DNAJC5B: variants seen among roughly 807,000 people sequenced by gnomAD.
DNAJC5B encodes the protein dnaJ homolog subfamily C member 5B.
Under a neutral mutation model 24.7 loss-of-function variants are expected in DNAJC5B, and 23 were observed. The observed-to-expected ratio is 0.93, with a 90% CI of 0.67 to 1.32. DNAJC5B has a LOEUF of 1.32. Ranked by LOEUF, DNAJC5B falls within the 40% of genes most tolerant of loss-of-function variation. DNAJC5B has a pLI of 0.00. For synonymous variants in DNAJC5B, 101 were observed against 90.1 expected, an observed-to-expected ratio of 1.12 and a Z score of -0.68; for missense variants, 238 against 240.8, an observed-to-expected ratio of 0.99 and a Z score of 0.08.
chr8:66,031,898 A>T (rs1049165557), intron 1 of DNAJC5B, among the ~76,000 whole-genome samples: 1 of 152,146 alleles, frequency 6.6e-6, no homozygotes, highest in Non-Finnish European at 1.5e-5. Context: ...ATATCTGGGC[A>T]CTCTGCAGCC....
intron 3 of DNAJC5B, among the ~76,000 whole-genome samples, chr8:66,067,605 T>G (rs1259006585): frequency 6.6e-6 from 1 of 152,162 alleles, no homozygotes; most frequent in Non-Finnish European, 1.5e-5. Flanking sequence ...GTTTCTGCTT[T>G]TGTTTTAAGC....
chr8:66,029,059 T>A (rs896556296), intron 1 of DNAJC5B, among the ~76,000 whole-genome samples: 1 of 152,234 alleles, frequency 6.6e-6, no homozygotes, highest in Non-Finnish European at 1.5e-5. Context: ...GTCTTGCTCA[T>A]GCAATTTCTT....
chr8:66,076,670 C>T lies in DNAJC5B; in HGVS notation c.130C>T (p.Leu44=). The change falls in exon 4 of 6, where the codon CTG becomes TTG. Residue 44 remains leucine (L), a synonymous_variant. Coordinates refer to ENST00000276570, the MANE Select transcript of DNAJC5B (RefSeq NM_033105.6). The stretch of plus-strand genomic sequence containing the variant: ...CTTTTATTTTAAAAGAAAATTGGCC[C>T]TGAAACACCATCCAGACAAGAATCC... ...EIKKTYRKLA[L]KHHPDKNPDD... 1 of 1,614,034 alleles carries T rather than the reference C, an allele frequency of 6.2e-7. No homozygotes were observed. Among genetic ancestry groups the T allele is most frequent in the South Asian group, 1.1e-5 (1 of 91,076 alleles).
intron 5 of DNAJC5B, among the ~76,000 whole-genome samples, chr8:66,094,072 C>A (rs1422136659): frequency 6.6e-6 from 1 of 152,070 alleles, no homozygotes; most frequent in African/African-American, 2.4e-5. Context: ...CAATACCAAG[C>A]CCATTTATCA....
At chr8:66,061,608 AGAGT>A (rs1441727974) in intron 3 of DNAJC5B, among the ~76,000 whole-genome samples, 199 of 148,912 alleles carry the variant, frequency 1.3e-3, no homozygotes, top group African/African-American at 4.7e-3. Flanking sequence ...AGAGAGAGAG[AGAGT>A]GTGTGTGTGT....
intron 4 of DNAJC5B, among the ~76,000 whole-genome samples, 191 bp from the exon 5 acceptor site, chr8:66,080,186 C>T (rs1244003551): frequency 6.6e-6 from 1 of 152,024 alleles, no homozygotes; most frequent in Non-Finnish European, 1.5e-5. Flanking sequence ...AAAACTTTAC[C>T]AGGAAATTGG....
rs1807475994 is a variant in DNAJC5B, at chr8:66,076,794, C to G, written c.254C>G (p.Ser85Trp). ...AGAAGCATATACGACAAGTACGGAT[C>G]GCTGGGACTCTACGTGGCCGAGCAG... ...SKRSIYDKYG[S>W]LGLYVAEQFG... The change falls in exon 4 of 6, where the codon TCG becomes TGG. Residue 85 changes from serine (S) to tryptophan (W), a missense_variant. Physicochemically the swap from Ser to Trp is radical, Grantham distance 177. Transcript: ENST00000276570. 6.2e-7 allele frequency: 1 copy of G among 1,614,194 alleles called. No individual in the cohort carries two copies. Among genetic ancestry groups the G allele is most frequent in the Non-Finnish European group, 8.5e-7 (1 of 1,180,026 alleles).
intron 3 of DNAJC5B, among the ~76,000 whole-genome samples, chr8:66,065,602 T>C (rs1228307202): frequency 6.6e-6 from 1 of 152,140 alleles, no homozygotes; most frequent in East Asian, 1.9e-4. Flanking sequence ...GGGAGGGCAG[T>C]TGTACTAGGT....
chr8:66,040,350 A>G (rs144976055), intron 1 of DNAJC5B, among the ~76,000 whole-genome samples: 46 of 152,198 alleles, frequency 3.0e-4, no homozygotes, highest in African/African-American at 9.2e-4. Flanking sequence ...AGATCGTGCC[A>G]CTGCACTCCA....
intron 2 of DNAJC5B, among the ~76,000 whole-genome samples, chr8:66,049,493 T>C (rs943185061): frequency 6.6e-6 from 1 of 152,202 alleles, no homozygotes; most frequent in Admixed American, 6.5e-5. Context: ...CTCAGTACAG[T>C]AACACACTGT....
At chr8:66,035,644 AC>A (rs1181190073) in intron 1 of DNAJC5B, among the ~76,000 whole-genome samples, 2 of 152,172 alleles carry the variant, frequency 1.3e-5, no homozygotes, top group Non-Finnish European at 2.9e-5. Context: ...TCCAGAAACA[AC>A]CAACCCTGCA....
rs116861026 is a variant in DNAJC5B, at chr8:66,077,242, A to G, written c.333+369A>G. On this transcript the variant is annotated intron_variant, in intron 4 of 5. Coordinates refer to ENST00000276570, the MANE Select transcript of DNAJC5B (RefSeq NM_033105.6). The stretch of plus-strand genomic sequence containing the variant: ...AATTTAGCCATGTCCTTTTCTATCT[A>G]TAGCATAGGCTACATCAGCAAACAC... Among the ~76,000 whole-genome samples, 45 of 152,328 alleles carry G rather than the reference A, an allele frequency of 3.0e-4. No individual in the cohort carries two copies. The East Asian group carries it at 3.7e-3, about 12-fold the overall frequency.
upstream of DNAJC5B, among the ~76,000 whole-genome samples, chr8:66,017,894 A>C (rs2128953739): frequency 6.6e-6 from 1 of 152,366 alleles, no homozygotes; most frequent in South Asian, 2.1e-4. Flanking sequence ...ATTTGTAAGA[A>C]AAATCCTAAA....
rs10566337 is a variant in DNAJC5B, at chr8:66,095,658, GACACACACACAC to G, written c.506-4253_506-4242del. ...TTTCTTATAAGTTATACTTTAGCTT[GACACACACACAC>G]ACACACACACACACACACACACACA... is the stretch of plus-strand genomic sequence containing the variant. On this transcript the variant is annotated intron_variant, in intron 5 of 5. Coordinates refer to ENST00000276570, the MANE Select transcript of DNAJC5B (RefSeq NM_033105.6). Among the ~76,000 whole-genome samples the G allele has an allele frequency of 2.0e-3, 290 of 146,742 alleles. 4 individuals are homozygous for G. Among genetic ancestry groups the G allele is most frequent in the African/African-American group, 6.9e-3 (276 of 40,132 alleles).
chr8:66,020,098 A>G (rs1806071845), upstream of DNAJC5B, among the ~76,000 whole-genome samples: 1 of 152,224 alleles, frequency 6.6e-6, no homozygotes, highest in African/African-American at 2.4e-5. Flanking sequence ...TTTCTCCCCA[A>G]CCAGCAAAGC....
intron 5 of DNAJC5B, among the ~76,000 whole-genome samples, chr8:66,087,201 T>C (rs13265143): frequency 0.63 from 95,433 of 151,888 alleles, 31,087 homozygotes; most frequent in African/African-American, 0.8. Flanking sequence ...ACCTTCTTCA[T>C]AAGGTGACAG....
intron 1 of DNAJC5B, among the ~76,000 whole-genome samples, chr8:66,024,239 C>T (rs895375902): frequency 3.3e-5 from 5 of 152,164 alleles, no homozygotes; most frequent in African/African-American, 1.2e-4. Flanking sequence ...AGCATTCCAT[C>T]ATGGCATAGG....
intron 3 of DNAJC5B, among the ~76,000 whole-genome samples, chr8:66,060,222 A>G (rs1807051524): frequency 6.6e-6 from 1 of 152,146 alleles, no homozygotes. Context: ...ATCTCATCCA[A>G]CAGACCCCCC....
At chr8:66,026,808 G>A (rs1324559855) in intron 1 of DNAJC5B, among the ~76,000 whole-genome samples, 1 of 152,208 alleles carries the variant, frequency 6.6e-6, no homozygotes, top group East Asian at 1.9e-4. Flanking sequence ...AAATGCATGG[G>A]GAGTCAAGTC....
Sources: allele counts gnomAD v4.1 joint callset (sites outside exome capture counted in the v4.1 genomes callset), GRCh38; gene constraint gnomAD v4.1.1; transcripts MANE v1.5; gene names NCBI Gene and HGNC (gene_info 2026-07-23, HGNC 2026-07-21).